The following CNTNAP2 variants were observed in gnomAD, a reference collection of about 807,000 sequenced individuals.
CNTNAP2 encodes contactin associated protein 2, also known as contactin-associated protein-like 2.
A neutral mutation model predicts 155.2 loss-of-function variants in CNTNAP2; 98 were observed. That is an observed-to-expected ratio of 0.63 (90% confidence interval 0.54 to 0.75). CNTNAP2 has a LOEUF of 0.75. Ranked by LOEUF, CNTNAP2 falls within the 30% of genes least tolerant of loss-of-function variation. The probability of loss-of-function intolerance (pLI) is 0.00; values close to 1 mark genes in which losing one functional copy is unlikely to be tolerated. For synonymous variants in CNTNAP2, 651 were observed against 631.2 expected, an observed-to-expected ratio of 1.03 and a Z score of -0.47; for missense variants, 1,727 against 1,688.1, an observed-to-expected ratio of 1.02 and a Z score of -0.40.
chr7:147,176,335 C>T (rs1019707186), intron 8 of CNTNAP2, among the ~76,000 whole-genome samples: 1 of 152,240 alleles, frequency 6.6e-6, no homozygotes, highest in African/African-American at 2.4e-5. Flanking sequence ...TTTTAATATA[C>T]ATTTCAAACA....
chr7:147,381,427 T>C (rs745890589), intron 9 of CNTNAP2, among the ~76,000 whole-genome samples: 42 of 152,226 alleles, frequency 2.8e-4, no homozygotes, highest in Non-Finnish European at 4.8e-4. Context: ...TTTTATGTTA[T>C]GACTGTATCT....
At chr7:147,596,553 C>T (rs1800830348) in intron 12 of CNTNAP2, among the ~76,000 whole-genome samples, 1 of 152,118 alleles carries the variant, frequency 6.6e-6, no homozygotes, top group Non-Finnish European at 1.5e-5. Flanking sequence ...GGTCTCAAAC[C>T]TTGTGCAGAA....
At chr7:146,191,357 T>A (rs1191028740) in intron 1 of CNTNAP2, among the ~76,000 whole-genome samples, 1 of 152,174 alleles carries the variant, frequency 6.6e-6, no homozygotes, top group East Asian at 1.9e-4. Flanking sequence ...AGAGATCACA[T>A]GCTTCACAAG....
At position 146,275,806 on chromosome 7, in the gene CNTNAP2, C is replaced by T. The variant is rs143437662; in HGVS notation, c.97+158833C>T. The stretch of plus-strand genomic sequence containing the variant: ...ATAGAACTGGAGGTTTCGCATTTCC[C>T]ATTCCTACCTAATTCAATAACTCAG... On this transcript the variant is annotated intron_variant, in intron 1 of 23. Transcript: ENST00000361727. Among the ~76,000 whole-genome samples the T allele has an allele frequency of 2.5e-3, 379 of 152,278 alleles. 2 individuals carry two copies. Among genetic ancestry groups the T allele is most frequent in the African/African-American group, 8.5e-3 (354 of 41,534 alleles).
intron 1 of CNTNAP2, among the ~76,000 whole-genome samples, chr7:146,548,945 T>C (rs1798073938): frequency 6.6e-6 from 1 of 151,808 alleles, no homozygotes; most frequent in African/African-American, 2.4e-5. Context: ...ACGAATGTCA[T>C]AAAAGTTTTC....
chr7:147,855,164 C>G (rs1211287604), intron 13 of CNTNAP2, among the ~76,000 whole-genome samples: 1 of 151,742 alleles, frequency 6.6e-6, no homozygotes, highest in Non-Finnish European at 1.5e-5. Flanking sequence ...GTAGATTCAC[C>G]CTCTAGTTGG....
chr7:147,646,627 G>T (rs1244225439), intron 13 of CNTNAP2, among the ~76,000 whole-genome samples: 1 of 151,872 alleles, frequency 6.6e-6, no homozygotes, highest in African/African-American at 2.4e-5. Context: ...TATTGCTTCA[G>T]CTTCCTGGGC....
intron 1 of CNTNAP2, among the ~76,000 whole-genome samples, chr7:146,119,604 T>A (rs1052885419): frequency 1.3e-5 from 2 of 152,008 alleles, no homozygotes; most frequent in African/African-American, 2.4e-5. Context: ...TCTTAGGGAG[T>A]TGCATTTATT....
chr7:147,505,850 G>C (rs1798896976), intron 11 of CNTNAP2, among the ~76,000 whole-genome samples: 1 of 152,136 alleles, frequency 6.6e-6, no homozygotes, highest in African/African-American at 2.4e-5. Context: ...GAGAAAGTCT[G>C]AGTTAACAAA....
intron 8 of CNTNAP2, among the ~76,000 whole-genome samples, chr7:147,191,867 C>G (rs1802686210): frequency 6.6e-6 from 1 of 152,116 alleles, no homozygotes; most frequent in South Asian, 2.1e-4. Flanking sequence ...ATAACAAGAG[C>G]ATGGGCAACT....
At chr7:147,201,718 G>T (rs1802926171) in intron 8 of CNTNAP2, among the ~76,000 whole-genome samples, 1 of 152,174 alleles carries the variant, frequency 6.6e-6, no homozygotes, top group Admixed American at 6.5e-5. Context: ...TTGGATAGGG[G>T]CAGGGTGATA....
chr7:147,836,494 A>G (rs2116644330), intron 13 of CNTNAP2, among the ~76,000 whole-genome samples: 1 of 152,118 alleles, frequency 6.6e-6, no homozygotes, highest in South Asian at 2.1e-4. Context: ...ATCAGCTCCA[A>G]AGTGCAACTC....
At chr7:147,906,218 G>T (rs943814552) in intron 14 of CNTNAP2, among the ~76,000 whole-genome samples, 2 of 151,966 alleles carry the variant, frequency 1.3e-5, no homozygotes, top group Admixed American at 6.5e-5. Context: ...TTGAGATGGG[G>T]TCTCACTCTG....
intron 3 of CNTNAP2, among the ~76,000 whole-genome samples, chr7:147,025,846 CTGT>C (rs1798908651): frequency 1.5e-5 from 2 of 132,068 alleles, no homozygotes; most frequent in South Asian, 2.5e-4. Flanking sequence ...AGGTGTGTTG[CTGT>C]TGTTTTTTTT....
At chr7:146,773,940 C>G (rs1008453428) in intron 1 of CNTNAP2, among the ~76,000 whole-genome samples, 5 of 152,034 alleles carry the variant, frequency 3.3e-5, no homozygotes, top group African/African-American at 1.2e-4. Context: ...GTATAAATAC[C>G]TGAAGATTTC....
chr7:147,214,329 A>T (rs957883892), intron 8 of CNTNAP2, among the ~76,000 whole-genome samples: 1 of 152,166 alleles, frequency 6.6e-6, no homozygotes, highest in African/African-American at 2.4e-5. Context: ...TTCACACTGC[A>T]TAAGTTTGAT....
At chr7:146,553,911 G>A (rs977718983) in intron 1 of CNTNAP2, among the ~76,000 whole-genome samples, 2 of 152,128 alleles carry the variant, frequency 1.3e-5, no homozygotes, top group African/African-American at 4.8e-5. Flanking sequence ...AATATAAAAT[G>A]ATGTGATTTT....
At chr7:146,147,246 T>G (rs1421273140) in intron 1 of CNTNAP2, among the ~76,000 whole-genome samples, 1 of 152,124 alleles carries the variant, frequency 6.6e-6, no homozygotes, top group Non-Finnish European at 1.5e-5. Context: ...TATGTTTAAT[T>G]GGGAAGGAAG....
At chr7:147,318,705 C>T (rs1173961914) in intron 9 of CNTNAP2, among the ~76,000 whole-genome samples, 1 of 151,898 alleles carries the variant, frequency 6.6e-6, no homozygotes, top group Non-Finnish European at 1.5e-5. Flanking sequence ...AGGACAAATA[C>T]CTAAAGCATG....
Sources: gnomAD v4.1 joint callset for allele counts (sites outside exome capture counted in the v4.1 genomes callset) on GRCh38, gnomAD v4.1.1 for gene constraint, MANE v1.5 for transcripts, NCBI Gene and HGNC (gene_info 2026-07-23, HGNC 2026-07-21) for gene names.